The following NTN1 variants were observed in gnomAD, a reference collection of about 807,000 sequenced individuals.
NTN1 encodes the protein netrin 1, also known as netrin-1.
NTN1 carries 11 observed loss-of-function variants against 54.2 expected under a neutral mutation model. The observed-to-expected ratio is 0.20, with a 90% CI of 0.13 to 0.34. The LOEUF (loss-of-function observed/expected upper bound fraction) is 0.34, where lower values mean the gene tolerates loss of function less well. NTN1 is among the 10% of genes least tolerant of loss of function. The probability of loss-of-function intolerance (pLI) is 1.00; values close to 1 mark genes in which losing one functional copy is unlikely to be tolerated. For missense variants in NTN1, 740 were observed against 893.1 expected, an observed-to-expected ratio of 0.83 and a Z score of 2.18; for synonymous variants, 371 against 382.0, an observed-to-expected ratio of 0.97 and a Z score of 0.33.
chr17:9,113,138 C>G (rs2092198346), intron 2 of NTN1, among the ~76,000 whole-genome samples: 1 of 151,484 alleles, frequency 6.6e-6, no homozygotes, highest in Admixed American at 6.6e-5. Context: ...ATTCTCCTGC[C>G]TCAGCCTCCC....
At chr17:9,023,440 G>A (rs1015051243) in intron 2 of NTN1, 49 bp downstream of exon 2, 3 of 1,341,658 alleles carry the variant, frequency 2.2e-6, no homozygotes, top group Non-Finnish European at 2.8e-6. Context: ...GCCGCGGGCG[G>A]GAGCTGCTGG....
intron 2 of NTN1, among the ~76,000 whole-genome samples, chr17:9,152,482 G>A (rs2142290115): frequency 6.6e-6 from 1 of 152,230 alleles, no homozygotes; most frequent in African/African-American, 2.4e-5. Flanking sequence ...TTTCAGCAAG[G>A]GGGAAGCCTG....
chr17:9,134,435 A>C (rs1489487643), intron 2 of NTN1, among the ~76,000 whole-genome samples: 4 of 152,010 alleles, frequency 2.6e-5, no homozygotes, highest in African/African-American at 4.8e-5. Flanking sequence ...TCTGGACCTC[A>C]CTGGAAAATC....
At chr17:9,063,514 G>A (rs2092005411) in intron 2 of NTN1, among the ~76,000 whole-genome samples, 1 of 151,630 alleles carries the variant, frequency 6.6e-6, no homozygotes, top group Non-Finnish European at 1.5e-5. Flanking sequence ...TCCACATTGA[G>A]CTATGAAAGA....
chr17:9,218,623 C>G (rs1315402897), intron 5 of NTN1, among the ~76,000 whole-genome samples: 2 of 152,102 alleles, frequency 1.3e-5, no homozygotes, highest in Non-Finnish European at 2.9e-5. Flanking sequence ...CAGGACTCAT[C>G]TGCCTTCCTC....
At chr17:9,068,309 G>A (rs1219220446) in intron 2 of NTN1, among the ~76,000 whole-genome samples, 1 of 152,044 alleles carries the variant, frequency 6.6e-6, no homozygotes, top group African/African-American at 2.4e-5. Context: ...AGCCTCCTGA[G>A]GAGCTAGAAC....
At chr17:9,011,014 T>C in the NTN1 span, among the ~76,000 whole-genome samples, 1 of 151,948 alleles carries the variant, frequency 6.6e-6, no homozygotes, top group African/African-American at 2.4e-5. Flanking sequence ...CAGTGACAGA[T>C]CATCAAGACT....
Position 9,243,438 on chromosome 17 carries a change from T to C in NTN1, c.*3470T>C, listed in dbSNP as rs1391257014. On this transcript the variant is annotated 3_prime_UTR_variant, in exon 7 of 7. Coordinates refer to ENST00000173229, the MANE Select transcript of NTN1 (RefSeq NM_004822.3). ...GAGACCCTAAGGGACTGGGGAATGG[T>C]TCCTGCCTTCAGGAAAGTGAAAGAC... The C allele has an allele frequency of 6.6e-6, 1 of 151,978 alleles. No individual in the cohort carries two copies. The highest frequency in any genetic ancestry group is 2.4e-5 in the African/African-American group (1 of 41,356). The allele number at this position is 151,978 out of a possible 1,614,324, so 9.4% of individuals were successfully genotyped here.
intron 2 of NTN1, among the ~76,000 whole-genome samples, chr17:9,044,848 G>A (rs368941342): frequency 4.9e-4 from 74 of 152,264 alleles, no homozygotes; most frequent in African/African-American, 1.8e-3. Flanking sequence ...AAGTACATAA[G>A]GCAAATTAGC....
At chr17:9,063,572 C>T (rs1022607002) in intron 2 of NTN1, among the ~76,000 whole-genome samples, 1 of 149,720 alleles carries the variant, frequency 6.7e-6, no homozygotes, top group Non-Finnish European at 1.5e-5. Flanking sequence ...TTTTTGGTGA[C>T]AGAGTCTTGC....
intron 3 of NTN1, among the ~76,000 whole-genome samples, chr17:9,167,722 A>T (rs775131281): frequency 1.3e-5 from 2 of 152,196 alleles, no homozygotes; most frequent in Non-Finnish European, 2.9e-5. Flanking sequence ...TTCTTTCAGC[A>T]GCTCAGCCAA....
chr17:9,221,044 G>C lies in NTN1; in HGVS notation c.1412-124G>C. 2.6e-6 allele frequency: 2 copies of C among 775,506 alleles called. No homozygotes were observed. The highest frequency in any genetic ancestry group is 3.0e-5 in the South Asian group (2 of 67,610). The allele number at this position is 775,506 out of a possible 1,614,324, so 48.0% of individuals were successfully genotyped here. On this transcript the variant is annotated intron_variant, in intron 5 of 6. Transcript: ENST00000173229. This position sits in a 1 kb window ranked among gnomAD's most constrained non-coding sequence, Gnocchi z 4.5. ...TCCTGAATGGCCGCCTGCCCGCCCG[G>C]CCTGGCCCATGGGTATCACAGGCCT...
At chr17:9,104,683 G>A (rs77130429) in intron 2 of NTN1, among the ~76,000 whole-genome samples, 4,563 of 152,312 alleles carry the variant, frequency 0.03, 236 homozygotes, top group African/African-American at 0.1. Flanking sequence ...TTGCTGGCAC[G>A]TCAAAGCTGA....
At chr17:9,119,486 CTTATTTATTTAT>C (rs71361861) in intron 2 of NTN1, among the ~76,000 whole-genome samples, 11 of 149,832 alleles carry the variant, frequency 7.3e-5, no homozygotes, top group Non-Finnish European at 1.0e-4. Flanking sequence ...CCGTGCCTGG[CTTATTTATTTAT>C]TTATTTATTT....
rs988277487 is a variant in NTN1 at position 9,241,045 on chromosome 17, G to T, written c.*1077G>T. The T allele has an allele frequency of 1.3e-5, 2 of 152,298 alleles. No individual in the cohort carries two copies. The highest frequency in any genetic ancestry group is 2.9e-5 in the Non-Finnish European group (2 of 68,116). The allele number at this position is 152,298 out of a possible 1,614,324, so 9.4% of individuals were successfully genotyped here. On this transcript the variant is annotated 3_prime_UTR_variant, in exon 7 of 7. Transcript: ENST00000173229. ...GTCAACAGCTGGAAAGGGCCTGAAC[G>T]GGCTTGGAGTCTGCAGGCTGCGAAG...
At chr17:9,096,440 G>T (rs1352605570) in intron 2 of NTN1, among the ~76,000 whole-genome samples, 1 of 125,710 alleles carries the variant, frequency 8.0e-6, no homozygotes, top group African/African-American at 3.0e-5. Context: ...GCACAATCTC[G>T]GCTCACTGCA....
chr17:9,170,843 C>T lies in NTN1; in HGVS notation c.1207+7842C>T, dbSNP rs560252000. 4.3e-4 allele frequency among the ~76,000 whole-genome samples: 64 copies of T among 147,140 alleles called. 2 individuals are homozygous for T. Among genetic ancestry groups the T allele is most frequent in the African/African-American group, 1.6e-3 (62 of 39,690 alleles). ...CCCCACTGTGTCGTACAGCCCTATTCCTGCCCCAAGCTCTTGTGACACACA... is the reference window on the plus strand; with the variant it reads ...CCCCACTGTGTCGTACAGCCCTATTTCTGCCCCAAGCTCTTGTGACACACA... On this transcript the variant is annotated intron_variant, in intron 3 of 6. Transcript: ENST00000173229.
intron 5 of NTN1, chr17:9,183,296 C>G (rs752554921): frequency 6.9e-6 from 4 of 580,346 alleles, no homozygotes; most frequent in Non-Finnish European, 1.3e-5. Flanking sequence ...TCACTCCTTC[C>G]TGGGGCTGCA....
intron 3 of NTN1, among the ~76,000 whole-genome samples, chr17:9,166,148 T>C (rs1040837322): frequency 7.9e-6 from 1 of 127,234 alleles, no homozygotes; most frequent in African/African-American, 3.1e-5. Flanking sequence ...GTCAACCCCC[T>C]TCCACCACCA....
Sources: gnomAD v4.1 joint callset for allele counts (sites outside exome capture counted in the v4.1 genomes callset) on GRCh38, gnomAD v4.1.1 for gene constraint, Gnocchi (gnomAD v3.1) non-coding constraint, MANE v1.5 for transcripts, NCBI Gene and HGNC (gene_info 2026-07-23, HGNC 2026-07-21) for gene names.